The following NPFFR1 variants were observed in gnomAD, a reference collection of about 807,000 sequenced individuals.
The protein encoded by NPFFR1 is neuropeptide FF receptor 1.
In NPFFR1, 17 loss-of-function variants were observed where a neutral mutation model predicts 12.7. The observed-to-expected ratio is 1.34, with a 90% confidence interval of 0.92 to 2.01. NPFFR1 has a LOEUF of 2.01. Among genes scored for constraint, NPFFR1 ranks in the 30% most tolerant of loss-of-function variants. The pLI is 0.00. For synonymous variants in NPFFR1, 296 were observed against 264.5 expected, an observed-to-expected ratio of 1.12 and a Z score of -1.16; for missense variants, 604 against 606.5, an observed-to-expected ratio of 1.00 and a Z score of 0.04.
intron 1 of NPFFR1, among the ~76,000 whole-genome samples, chr10:70,267,217 C>A (rs1697989092): frequency 6.6e-6 from 1 of 152,108 alleles, no homozygotes; most frequent in African/African-American, 2.4e-5. Context: ...AACTGTGAAC[C>A]AGGGCTAAGG....
At position 70,266,201 on chromosome 10, in the gene NPFFR1, G is replaced by T. The variant is rs1291858920; in HGVS notation, c.198C>A (p.Phe66Leu). The T allele has an allele frequency of 6.2e-7, 1 of 1,614,052 alleles. No homozygotes were observed. The highest frequency in any genetic ancestry group is 8.5e-7 in the Non-Finnish European group (1 of 1,179,902). The change falls in exon 2 of 4, where the codon TTC (phenylalanine) becomes TTA (leucine). Residue 66 changes from phenylalanine to leucine, a missense_variant. Physicochemically the swap from Phe to Leu is conservative, Grantham distance 22 (BLOSUM62 0). Coordinates refer to ENST00000277942, the MANE Select transcript of NPFFR1 (RefSeq NM_022146.5). Reference sequence around the variant, plus strand: ...GCATGTGCCGGTTCTTGAGCACGATGAAACAGACCAGGGTGTTGCCCACCA... The same window carrying T: ...GCATGTGCCGGTTCTTGAGCACGATTAAACAGACCAGGGTGTTGCCCACCA... ...LCMVGNTLVC[F>L]IVLKNRHMHT... is the part of the protein sequence containing the mutation.
In NPFFR1 at chr10:70,283,882, C is replaced by G. The variant is rs538761176; in HGVS notation, c.-206G>C. The stretch of plus-strand genomic sequence containing the variant: ...GGGCCCTGGCCGGTTTCCCTCCCCT[C>G]GGGCTGACTGGCTCCCGCGCAGCGC... On this transcript the variant is annotated 5_prime_UTR_variant, in exon 1 of 4. Coordinates refer to ENST00000277942, the MANE Select transcript of NPFFR1 (RefSeq NM_022146.5). Among the ~76,000 whole-genome samples, 1 of 152,184 alleles carries G rather than the reference C, an allele frequency of 6.6e-6. No individual in the cohort carries two copies. The highest frequency in any genetic ancestry group is 2.4e-5 in the African/African-American group (1 of 41,454).
intron 1 of NPFFR1, among the ~76,000 whole-genome samples, chr10:70,280,625 G>GT (rs1840850724): frequency 6.6e-6 from 1 of 152,104 alleles, no homozygotes; most frequent in Non-Finnish European, 1.5e-5. Context: ...TTTGTTCTTA[G>GT]TGAGTACTAA....
rs1840559986 is a variant in NPFFR1, at chr10:70,255,608, C to T, written c.642G>A (p.Arg214=). The part of the protein sequence containing the change: ...WEAWPEKGMR[R]VYTTVLFSHI... The stretch of plus-strand genomic sequence containing the variant: ...GCGAGAAGAGCACAGTGGTGTAGAC[C>T]CTGCGCATGCCCTTCTCGGGCCAGG... The change falls in exon 4 of 4, where the codon AGG becomes AGA. Residue 214 remains arginine (R), a synonymous_variant. Transcript: ENST00000277942. The surrounding 1 kb of genome is among the most constrained non-coding windows in gnomAD (Gnocchi z 4.2). The T allele has an allele frequency of 1.3e-6, 2 of 1,562,796 alleles. No homozygotes were observed. The highest frequency in any genetic ancestry group is 1.7e-6 in the Non-Finnish European group (2 of 1,153,862).
rs1482443485 is a variant in NPFFR1 at position 70,252,754 on chromosome 10, A to G, written c.*2203T>C. On this transcript the variant is annotated 3_prime_UTR_variant, in exon 4 of 4. Transcript: ENST00000277942. ...TTTTTTGGGCAGTTATAACCTTTCA[A>G]AGCATGACATCTTTTGGGGGAAGAC... 1 of 152,218 alleles carries G rather than the reference A, an allele frequency of 6.6e-6. No individual in the cohort carries two copies. Among genetic ancestry groups the G allele is most frequent in the African/African-American group, 2.4e-5 (1 of 41,456 alleles). The allele number at this position is 152,218 out of a possible 1,614,324, so 9.4% of individuals were successfully genotyped here.
At chr10:70,266,465 C>A (rs572390530) in intron 1 of NPFFR1, 74 bp from the exon 2 acceptor site, 8 of 1,237,690 alleles carry the variant, frequency 6.5e-6, no homozygotes, top group South Asian at 1.5e-5. Context: ...ACTAATGAGA[C>A]CCTCTGTGTG....
At chr10:70,278,075 G>A (rs930048412) in intron 1 of NPFFR1, 7 of 485,730 alleles carry the variant, frequency 1.4e-5, no homozygotes, top group African/African-American at 7.8e-5. Flanking sequence ...CTGGTGAGGA[G>A]ACAGATGCTG....
At chr10:70,281,905 G>A (rs1176866457) in intron 1 of NPFFR1, among the ~76,000 whole-genome samples, 5 of 152,190 alleles carry the variant, frequency 3.3e-5, no homozygotes, top group East Asian at 1.9e-4. Flanking sequence ...GAGGGAGTGC[G>A]TTGTTGTCTC....
At chr10:70,273,063 G>A (rs1005609574) in intron 1 of NPFFR1, among the ~76,000 whole-genome samples, 6 of 152,158 alleles carry the variant, frequency 3.9e-5, no homozygotes, top group Admixed American at 6.5e-5. Context: ...TAATCAGAAG[G>A]AAACTGATAC....
At chr10:70,265,109 C>T (rs905992201) in intron 2 of NPFFR1, among the ~76,000 whole-genome samples, 4 of 152,190 alleles carry the variant, frequency 2.6e-5, no homozygotes, top group African/African-American at 9.7e-5. Flanking sequence ...AGAGCTGGTA[C>T]TGTGGAGGGG....
At position 70,255,952 on chromosome 10, in the gene NPFFR1, A is replaced by G. The variant is rs1840568007; in HGVS notation, c.423-125T>C. On this transcript the variant is annotated intron_variant, in intron 3 of 3. Transcript: ENST00000277942. The surrounding 1 kb of genome is among the most constrained non-coding windows in gnomAD (Gnocchi z 4.2). ...CTAGGGCGGCGTCGAAGAACAGCTCAGACCTGAATTGGCTGAGTAGTCAAA... is the reference window on the plus strand; with the variant it reads ...CTAGGGCGGCGTCGAAGAACAGCTCGGACCTGAATTGGCTGAGTAGTCAAA... 5 of 1,028,660 alleles carry G rather than the reference A, an allele frequency of 4.9e-6. No homozygotes were observed. The Admixed American group carries it at 1.3e-4, about 27-fold the overall frequency. 63.7% of individuals were successfully genotyped at this position (1,028,660 alleles called of 1,614,324 possible).
chr10:70,272,230 A>G (rs568732729), intron 1 of NPFFR1, among the ~76,000 whole-genome samples: 13 of 7,104 alleles, frequency 1.8e-3, no homozygotes, highest in South Asian at 5.8e-3. Flanking sequence ...GAAAGAAAGA[A>G]AGAAAGAAAG....
chr10:70,262,685 G>A (rs776089432), intron 2 of NPFFR1, among the ~76,000 whole-genome samples: 3 of 152,200 alleles, frequency 2.0e-5, no homozygotes, highest in Admixed American at 1.3e-4. Flanking sequence ...GTGACAGTGG[G>A]TTAGAATCAG....
chr10:70,258,043 A>C (rs913965944), intron 3 of NPFFR1, among the ~76,000 whole-genome samples: 1 of 152,128 alleles, frequency 6.6e-6, no homozygotes, highest in African/African-American at 2.4e-5. Context: ...ATAATAAATA[A>C]AAACTGAGGG....
chr10:70,272,691 G>A (rs1840762983), intron 1 of NPFFR1, among the ~76,000 whole-genome samples: 1 of 152,228 alleles, frequency 6.6e-6, no homozygotes, highest in South Asian at 2.1e-4. Flanking sequence ...GCCAGAGCAT[G>A]GATGTGCCCT....
At chr10:70,267,390 G>A (rs941638592) in intron 1 of NPFFR1, among the ~76,000 whole-genome samples, 1 of 152,180 alleles carries the variant, frequency 6.6e-6, no homozygotes, top group South Asian at 2.1e-4. Context: ...CATGATGTAA[G>A]TCATTAGGTA....
intron 1 of NPFFR1, among the ~76,000 whole-genome samples, chr10:70,273,624 C>T (rs190856791): frequency 5.9e-5 from 9 of 152,276 alleles, no homozygotes; most frequent in African/African-American, 2.2e-4. Context: ...CAGCCTCCTC[C>T]TCACATGGAG....
chr10:70,262,751 A>G (rs1840646833), intron 2 of NPFFR1, among the ~76,000 whole-genome samples: 1 of 152,222 alleles, frequency 6.6e-6, no homozygotes, highest in Non-Finnish European at 1.5e-5. Context: ...TATAGAAATA[A>G]AGATATGTGT....
Position 70,275,638 on chromosome 10 carries a change from C to G in NPFFR1, c.7+8032G>C, listed in dbSNP as rs986232189. Among the ~76,000 whole-genome samples the G allele has an allele frequency of 1.4e-4, 22 of 151,900 alleles. 1 individual carries two copies. The highest frequency in any genetic ancestry group is 3.9e-4 in the Admixed American group (6 of 15,234). ...AAATGTCTTAGGGGTAGAAAGCATG[C>G]CTTGTTCAGCTTGAAATGCTCCTCA... On this transcript the variant is annotated intron_variant, in intron 1 of 3. Transcript: ENST00000277942.
Sources: allele counts gnomAD v4.1 joint callset (sites outside exome capture counted in the v4.1 genomes callset), GRCh38; gene constraint gnomAD v4.1.1; non-coding constraint Gnocchi (gnomAD v3.1); transcripts MANE v1.5; gene names NCBI Gene and HGNC (gene_info 2026-07-23, HGNC 2026-07-21).